Variants in RBMS3 observed in about 807,000 individuals in gnomAD.
RBMS3 encodes the protein RNA-binding motif, single-stranded-interacting protein 3.
RBMS3 carries 27 observed loss-of-function variants against 66.8 expected under a neutral mutation model. The observed-to-expected ratio is 0.40, with a 90% CI of 0.30 to 0.56. The LOEUF (loss-of-function observed/expected upper bound fraction) is 0.56. Among genes scored for constraint, RBMS3 ranks in the 20% least tolerant of loss-of-function variants. RBMS3 has a pLI of 0.40. For missense variants in RBMS3, 513 were observed against 549.5 expected, an observed-to-expected ratio of 0.93 and a Z score of 0.66; for synonymous variants, 188 against 183.0, an observed-to-expected ratio of 1.03 and a Z score of -0.22.
At chr3:29,334,663 A>T (rs1195379443) in intron 1 of RBMS3, among the ~76,000 whole-genome samples, 1 of 152,170 alleles carries the variant, frequency 6.6e-6, no homozygotes, top group African/African-American at 2.4e-5. Context: ...ATGCTCCTGC[A>T]GTTGTGAATT....
chr3:29,864,235 G>A (rs1185076718), intron 6 of RBMS3, among the ~76,000 whole-genome samples: 1 of 152,182 alleles, frequency 6.6e-6, no homozygotes, highest in Non-Finnish European at 1.5e-5. Flanking sequence ...CAATTGAGTG[G>A]CAAGGTAATA....
chr3:29,699,531 A>C (rs1386521929), intron 4 of RBMS3, among the ~76,000 whole-genome samples: 1 of 152,066 alleles, frequency 6.6e-6, no homozygotes, highest in Non-Finnish European at 1.5e-5. Flanking sequence ...ATTTATTATT[A>C]ACTCTTTCCA....
intron 2 of RBMS3, among the ~76,000 whole-genome samples, chr3:29,454,593 C>T (rs2042120502): frequency 6.6e-6 from 1 of 152,126 alleles, no homozygotes; most frequent in African/African-American, 2.4e-5. Context: ...TCTTTTATTC[C>T]ACATATGTAA....
chr3:29,545,460 A>G (rs2045917958), intron 3 of RBMS3, among the ~76,000 whole-genome samples: 1 of 152,190 alleles, frequency 6.6e-6, no homozygotes, highest in Non-Finnish European at 1.5e-5. Context: ...TACTTTCAAT[A>G]AAATCCTAAA....
chr3:29,318,309 G>A (rs938239307), intron 1 of RBMS3, among the ~76,000 whole-genome samples: 6 of 151,984 alleles, frequency 3.9e-5, no homozygotes, highest in Middle Eastern at 3.4e-3. Context: ...AACTAGAAAT[G>A]TAGTGACTGA....
At chr3:29,337,924 T>C (rs927295421) in intron 1 of RBMS3, among the ~76,000 whole-genome samples, 15 of 152,134 alleles carry the variant, frequency 9.9e-5, no homozygotes, top group Middle Eastern at 3.2e-3. Context: ...AAAAAGCAGG[T>C]CACTTGGAAA....
intron 4 of RBMS3, among the ~76,000 whole-genome samples, chr3:29,614,150 G>C (rs2048580417): frequency 6.6e-6 from 1 of 152,048 alleles, no homozygotes; most frequent in Non-Finnish European, 1.5e-5. Flanking sequence ...CCTTAAAAAA[G>C]AAAGGAATCT....
At chr3:29,735,627 C>T (rs1351120608) in intron 4 of RBMS3, among the ~76,000 whole-genome samples, 1 of 152,136 alleles carries the variant, frequency 6.6e-6, no homozygotes, top group Admixed American at 6.5e-5. Context: ...ATAGCCTTCA[C>T]TCTTTGACTC....
At chr3:29,508,663 G>A (rs566132283) in intron 3 of RBMS3, among the ~76,000 whole-genome samples, 7 of 151,900 alleles carry the variant, frequency 4.6e-5, no homozygotes, top group South Asian at 4.2e-4. Context: ...GTAAACATAC[G>A]TGCGCTTTTT....
At chr3:29,696,842 C>A in intron 4 of RBMS3, 1 of 561,544 alleles carries the variant, frequency 1.8e-6, no homozygotes, top group Non-Finnish European at 2.3e-6. Flanking sequence ...GTGTAGGGTA[C>A]ACATCTTAGA....
intron 12 of RBMS3, among the ~76,000 whole-genome samples, chr3:29,948,352 T>C (rs1695455970): frequency 6.6e-6 from 1 of 151,770 alleles, no homozygotes; most frequent in Admixed American, 6.6e-5. Context: ...TAATTTGGAA[T>C]TTGTGATGTC....
chr3:29,399,730 A>G (rs1462143697), intron 1 of RBMS3, among the ~76,000 whole-genome samples: 5 of 152,168 alleles, frequency 3.3e-5, no homozygotes. Flanking sequence ...TTAACCCAAT[A>G]ATATCTGCTT....
At chr3:30,001,293 G>A (rs1419215965) in intron 14 of RBMS3, among the ~76,000 whole-genome samples, 1 of 152,036 alleles carries the variant, frequency 6.6e-6, no homozygotes, top group African/African-American at 2.4e-5. Flanking sequence ...TAGTCTGTCA[G>A]GAATTATTCT....
chr3:29,772,266 G>C (rs2149396648), intron 6 of RBMS3, among the ~76,000 whole-genome samples: 1 of 152,096 alleles, frequency 6.6e-6, no homozygotes, highest in South Asian at 2.1e-4. Flanking sequence ...CTATACAACT[G>C]TGAGATAATA....
intron 12 of RBMS3, among the ~76,000 whole-genome samples, chr3:29,955,076 G>A (rs2149722529): frequency 6.6e-6 from 1 of 152,110 alleles, no homozygotes; most frequent in Non-Finnish European, 1.5e-5. Context: ...GCTGTAGTTA[G>A]CTTATGGAGA....
chr3:29,843,573 G>A (rs140981075), intron 6 of RBMS3, among the ~76,000 whole-genome samples: 2 of 152,124 alleles, frequency 1.3e-5, no homozygotes, highest in Non-Finnish European at 2.9e-5. Flanking sequence ...ATCGAGCCAC[G>A]GACGTTGACC....
chr3:29,685,018 T>TA (rs887296447), intron 4 of RBMS3, among the ~76,000 whole-genome samples: 2 of 151,624 alleles, frequency 1.3e-5, no homozygotes, highest in African/African-American at 4.9e-5. Flanking sequence ...TTTTCAGGGG[T>TA]AAAACAGTTT....
At chr3:29,578,528 A>G (rs1296139151) in intron 3 of RBMS3, among the ~76,000 whole-genome samples, 3 of 152,172 alleles carry the variant, frequency 2.0e-5, no homozygotes, top group Non-Finnish European at 4.4e-5. Context: ...ATTTGAAATA[A>G]GGCCTATAAA....
At chr3:29,376,606 A>G (rs573438736) in intron 1 of RBMS3, among the ~76,000 whole-genome samples, 4 of 152,260 alleles carry the variant, frequency 2.6e-5, no homozygotes, top group African/African-American at 9.6e-5. Context: ...CTTCGTCTCT[A>G]CTAAAAAATA....
Sources: gnomAD v4.1 joint callset for allele counts (sites outside exome capture counted in the v4.1 genomes callset) on GRCh38, gnomAD v4.1.1 for gene constraint, MANE v1.5 for transcripts, NCBI Gene and HGNC (gene_info 2026-07-23, HGNC 2026-07-21) for gene names.